The following AMBRA1 variants were observed in gnomAD, a reference collection of about 807,000 sequenced individuals.
AMBRA1 encodes activating molecule in BECN1-regulated autophagy protein 1.
A neutral mutation model predicts 125.4 loss-of-function variants in AMBRA1; 47 were observed. The observed-to-expected ratio is 0.37, with a 90% CI of 0.30 to 0.48. The LOEUF (loss-of-function observed/expected upper bound fraction) is 0.48, where lower values mean the gene tolerates loss of function less well. AMBRA1 is among the 20% of genes least tolerant of loss of function. The probability of loss-of-function intolerance (pLI) is 0.99; values close to 1 mark genes in which losing one functional copy is unlikely to be tolerated. For synonymous variants in AMBRA1, 626 were observed against 655.5 expected, an observed-to-expected ratio of 0.95 and a Z score of 0.69; for missense variants, 1,331 against 1,693.4, an observed-to-expected ratio of 0.79 and a Z score of 3.76.
chr11:46,481,001 T>C (rs1428610050), intron 11 of AMBRA1, among the ~76,000 whole-genome samples: 2 of 152,218 alleles, frequency 1.3e-5, no homozygotes, highest in Admixed American at 6.5e-5. Flanking sequence ...CTGGAAAACT[T>C]CAGTAGAAGG....
At chr11:46,415,656 C>T (rs975223918) in intron 15 of AMBRA1, among the ~76,000 whole-genome samples, 2 of 152,206 alleles carry the variant, frequency 1.3e-5, no homozygotes, top group African/African-American at 4.8e-5. Flanking sequence ...CAACCTGACC[C>T]AAGAAGTCAG....
intron 1 of AMBRA1, among the ~76,000 whole-genome samples, chr11:46,553,447 C>G (rs555049006): frequency 1.3e-5 from 2 of 152,026 alleles, no homozygotes; most frequent in African/African-American, 4.8e-5. Context: ...GATTTCACAG[C>G]AAGAAAACAC....
intron 7 of AMBRA1, among the ~76,000 whole-genome samples, chr11:46,527,789 GA>G (rs148209480): frequency 2.7e-5 from 4 of 145,896 alleles, no homozygotes; most frequent in African/African-American, 5.0e-5. Flanking sequence ...ACTATAAAAA[GA>G]AAAAAAAAAC....
intron 11 of AMBRA1, among the ~76,000 whole-genome samples, chr11:46,479,103 C>G (rs1258677479): frequency 1.3e-5 from 2 of 151,982 alleles, no homozygotes; most frequent in African/African-American, 4.8e-5. Context: ...GAGGCTGAGG[C>G]CGGGGAATCA....
intron 11 of AMBRA1, among the ~76,000 whole-genome samples, chr11:46,478,456 C>T (rs1565200794): frequency 6.6e-6 from 1 of 152,114 alleles, no homozygotes; most frequent in Non-Finnish European, 1.5e-5. Context: ...CATCTTTTTA[C>T]CCTCCAGCAC....
intron 1 of AMBRA1, among the ~76,000 whole-genome samples, chr11:46,579,962 C>T (rs902689873): frequency 6.6e-6 from 1 of 152,220 alleles, no homozygotes; most frequent in South Asian, 2.1e-4. Context: ...ATCTACCTGC[C>T]TCAGCCTCCC....
intron 14 of AMBRA1, among the ~76,000 whole-genome samples, chr11:46,421,403 C>T (rs750768079): frequency 6.6e-6 from 1 of 152,192 alleles, no homozygotes; most frequent in Non-Finnish European, 1.5e-5. Flanking sequence ...GAAAATGCCG[C>T]ACAAAGATCA....
intron 17 of AMBRA1, among the ~76,000 whole-genome samples, chr11:46,400,379 C>G (rs985226489): frequency 3.3e-5 from 5 of 151,226 alleles, no homozygotes; most frequent in African/African-American, 1.2e-4. Context: ...TCCAGGCCAG[C>G]CAGTTTCACA....
intron 11 of AMBRA1, 117 bp downstream of exon 11, chr11:46,493,491 T>G: frequency 1.2e-6 from 1 of 812,278 alleles, no homozygotes; most frequent in Non-Finnish European, 1.9e-6. Context: ...GACCCCAAAA[T>G]AGAATTTTCA....
chr11:46,431,182 T>C (rs1377781322), intron 14 of AMBRA1, among the ~76,000 whole-genome samples: 1 of 152,248 alleles, frequency 6.6e-6, no homozygotes, highest in African/African-American at 2.4e-5. Context: ...GCCTTGATCC[T>C]GTCTCTTGGG....
chr11:46,516,960 AAC>A (rs1046273775), intron 7 of AMBRA1, among the ~76,000 whole-genome samples: 2 of 152,046 alleles, frequency 1.3e-5, no homozygotes, highest in African/African-American at 4.8e-5. Context: ...AAAATACAAA[AAC>A]ACAATACAAC....
At chr11:46,430,217 G>A (rs1947384894) in intron 14 of AMBRA1, among the ~76,000 whole-genome samples, 1 of 152,202 alleles carries the variant, frequency 6.6e-6, no homozygotes, top group South Asian at 2.1e-4. Flanking sequence ...GATGGGAGGT[G>A]AGGCGCAGAC....
At chr11:46,402,664 T>G (rs1945821091) in intron 17 of AMBRA1, among the ~76,000 whole-genome samples, 1 of 152,168 alleles carries the variant, frequency 6.6e-6, no homozygotes, top group African/African-American at 2.4e-5. Flanking sequence ...GGAGAAGCAC[T>G]TACATGTCTA....
intron 12 of AMBRA1, among the ~76,000 whole-genome samples, chr11:46,435,955 A>G (rs1181162508): frequency 6.6e-6 from 1 of 152,226 alleles, no homozygotes; most frequent in African/African-American, 2.4e-5. Context: ...CTTACCCTTG[A>G]TGTGAGCATA....
chr11:46,465,253 C>T (rs1949278279), intron 11 of AMBRA1, among the ~76,000 whole-genome samples: 1 of 152,094 alleles, frequency 6.6e-6, no homozygotes, highest in Non-Finnish European at 1.5e-5. Context: ...TCCTCCCTGC[C>T]CTCCTTCTGC....
intron 9 of AMBRA1, among the ~76,000 whole-genome samples, chr11:46,496,814 A>C (rs1258940527): frequency 6.6e-6 from 1 of 152,008 alleles, no homozygotes; most frequent in Non-Finnish European, 1.5e-5. Context: ...TTAAAAAAAA[A>C]AAAAAAAGGG....
chr11:46,546,411 A>G (rs1457344904), intron 4 of AMBRA1, among the ~76,000 whole-genome samples: 1 of 152,136 alleles, frequency 6.6e-6, no homozygotes, highest in Non-Finnish European at 1.5e-5. Context: ...CCCGCTAGCC[A>G]GTTACTAGGA....
chr11:46,555,940 CAA>C (rs1243679639), intron 1 of AMBRA1, among the ~76,000 whole-genome samples: 1 of 152,208 alleles, frequency 6.6e-6, no homozygotes, highest in Non-Finnish European at 1.5e-5. Flanking sequence ...CCCATGTGGG[CAA>C]AGTCTAAGAG....
At chr11:46,412,539 C>T (rs868151730) in intron 15 of AMBRA1, among the ~76,000 whole-genome samples, 1 of 152,186 alleles carries the variant, frequency 6.6e-6, no homozygotes, top group Non-Finnish European at 1.5e-5. Flanking sequence ...ATCTGCCTAC[C>T]TCAGCCTCCC....
Sources: gnomAD v4.1 joint callset for allele counts (sites outside exome capture counted in the v4.1 genomes callset) on GRCh38, gnomAD v4.1.1 for gene constraint, MANE v1.5 for transcripts, NCBI Gene and HGNC (gene_info 2026-07-23, HGNC 2026-07-21) for gene names.